The following FAM193A variants were observed in gnomAD, a reference collection of about 807,000 sequenced individuals.
The protein encoded by FAM193A is protein FAM193A.
A neutral mutation model predicts 126.5 loss-of-function variants in FAM193A; 22 were observed. The ratio of observed to expected loss-of-function variants is 0.17; its 90% CI spans 0.12 to 0.25. The LOEUF is 0.25. FAM193A is among the 10% of genes least tolerant of loss of function. The pLI, the probability that FAM193A is intolerant of heterozygous loss-of-function variation, is 1.00. For synonymous variants in FAM193A, 761 were observed against 646.8 expected, an observed-to-expected ratio of 1.18 and a Z score of -2.68; for missense variants, 1,675 against 1,672.8, an observed-to-expected ratio of 1.00 and a Z score of -0.02.
At chr4:2,581,243 TTTTC>T (rs1386239959) in intron 1 of FAM193A, among the ~76,000 whole-genome samples, 36 of 149,260 alleles carry the variant, frequency 2.4e-4, no homozygotes, top group African/African-American at 3.9e-4. Context: ...TCCTGAAATA[TTTTC>T]TTTCTTTCTT....
At chr4:2,693,310 G>A (rs1039024703) in intron 15 of FAM193A, among the ~76,000 whole-genome samples, 23 of 151,524 alleles carry the variant, frequency 1.5e-4, no homozygotes, top group African/African-American at 5.4e-4. Flanking sequence ...GAGCCACCAC[G>A]CCCGGCCAAG....
intron 13 of FAM193A, among the ~76,000 whole-genome samples, chr4:2,683,008 G>C (rs1034381744): frequency 5.9e-5 from 9 of 152,308 alleles, no homozygotes; most frequent in African/African-American, 2.2e-4. Context: ...GACATTTCTT[G>C]CAGGGCAGGT....
intron 1 of FAM193A, among the ~76,000 whole-genome samples, chr4:2,568,101 C>T (rs1024783195): frequency 2.0e-5 from 3 of 152,314 alleles, no homozygotes; most frequent in African/African-American, 7.2e-5. Context: ...TTCCACTTAC[C>T]TTCCAACCAC....
At chr4:2,554,353 G>A (rs911309605) in intron 1 of FAM193A, among the ~76,000 whole-genome samples, 12 of 152,138 alleles carry the variant, frequency 7.9e-5, no homozygotes, top group African/African-American at 2.4e-4. Context: ...AAAGTGCTGG[G>A]ATTACAGTCT....
chr4:2,543,135 T>C (rs560332204), intron 1 of FAM193A, among the ~76,000 whole-genome samples: 3 of 151,896 alleles, frequency 2.0e-5, no homozygotes, highest in African/African-American at 7.2e-5. Flanking sequence ...TCACCCAGGC[T>C]GGAGTGCCCT....
chr4:2,688,569 G>T (rs1381344282), intron 13 of FAM193A, among the ~76,000 whole-genome samples: 1 of 152,176 alleles, frequency 6.6e-6, no homozygotes, highest in African/African-American at 2.4e-5. Context: ...AAGGGTGGAG[G>T]TGGTGGGCCC....
At chr4:2,722,225 G>C (rs534780647) in intron 20 of FAM193A, among the ~76,000 whole-genome samples, 1 of 152,238 alleles carries the variant, frequency 6.6e-6, no homozygotes, top group African/African-American at 2.4e-5. Flanking sequence ...CAGACACCGT[G>C]TGCATGTCTC....
At chr4:2,614,986 C>G (rs1316850538) in intron 2 of FAM193A, 1 of 152,102 alleles carries the variant, frequency 6.6e-6, no homozygotes, top group Non-Finnish European at 1.5e-5. Flanking sequence ...CTTTTTTTCC[C>G]CTAAGACTGG....
intron 1 of FAM193A, among the ~76,000 whole-genome samples, chr4:2,580,302 GAAC>G (rs983621929): frequency 7.2e-5 from 11 of 152,124 alleles, no homozygotes; most frequent in Non-Finnish European, 1.2e-4. Flanking sequence ...ACGTAGAGGG[GAAC>G]AACATACACT....
At chr4:2,606,476 A>G (rs1282757267) in intron 2 of FAM193A, among the ~76,000 whole-genome samples, 1 of 152,140 alleles carries the variant, frequency 6.6e-6, no homozygotes. Context: ...TGGCTTTTTT[A>G]GAGAATTGTG....
chr4:2,655,875 GTTGTGATCATACCA>G (rs1344799328), intron 7 of FAM193A, among the ~76,000 whole-genome samples: 1 of 152,208 alleles, frequency 6.6e-6, no homozygotes, highest in Non-Finnish European at 1.5e-5. Flanking sequence ...GCTACAGTAA[GTTGTGATCATACCA>G]CTGTAGTCCA....
intron 1 of FAM193A, among the ~76,000 whole-genome samples, chr4:2,585,292 A>G (rs745493783): frequency 6.6e-6 from 1 of 152,228 alleles, no homozygotes; most frequent in African/African-American, 2.4e-5. Flanking sequence ...CACAGTCTTC[A>G]TGTAATGCCT....
At chr4:2,693,405 C>G (rs530774471) in intron 15 of FAM193A, among the ~76,000 whole-genome samples, 181 bp from the exon 16 acceptor site, 1 of 152,110 alleles carries the variant, frequency 6.6e-6, no homozygotes, top group African/African-American at 2.4e-5. Context: ...TGCAGACGTT[C>G]GGCTAAAAAG....
At chr4:2,565,791 G>T (rs1738905952) in intron 1 of FAM193A, among the ~76,000 whole-genome samples, 1 of 152,186 alleles carries the variant, frequency 6.6e-6, no homozygotes, top group African/African-American at 2.4e-5. Flanking sequence ...GTAATGACGG[G>T]GGAGTAACTG....
intron 7 of FAM193A, among the ~76,000 whole-genome samples, chr4:2,651,164 C>T (rs1577138954): frequency 6.6e-6 from 1 of 152,174 alleles, no homozygotes; most frequent in Admixed American, 6.5e-5. Context: ...AACCCCGTCT[C>T]TACTAAAAAT....
intron 19 of FAM193A, among the ~76,000 whole-genome samples, chr4:2,706,046 T>TATTTTTTTTA (rs1718262635): frequency 6.6e-6 from 1 of 152,000 alleles, no homozygotes; most frequent in Non-Finnish European, 1.5e-5. Context: ...TCTCTACAGA[T>TATTTTTTTTA]ATTTTTTTTA....
chr4:2,657,898 A>G lies in FAM193A; in HGVS notation c.1389+18A>G. ...AAGAACAGGTAAGCTTGTCAATAAG[A>G]GAGGCAATTAAAGGAAGTAGAAATC... On this transcript the variant is annotated intron_variant, in intron 8 of 20. Coordinates refer to ENST00000637812, the MANE Select transcript of FAM193A (RefSeq NM_001366318.2). 2 of 1,542,816 alleles carry G rather than the reference A, an allele frequency of 1.3e-6. No individual in the cohort carries two copies. The highest frequency in any genetic ancestry group is 8.9e-7 in the Non-Finnish European group (1 of 1,121,730).
intron 19 of FAM193A, among the ~76,000 whole-genome samples, chr4:2,705,497 G>A (rs1414148867): frequency 2.6e-5 from 4 of 151,610 alleles, no homozygotes; most frequent in Admixed American, 2.0e-4. Context: ...AATATGTTTG[G>A]AAATTTTTCT....
At chr4:2,677,070 T>A (rs1300686637) in intron 13 of FAM193A, among the ~76,000 whole-genome samples, 1 of 152,268 alleles carries the variant, frequency 6.6e-6, no homozygotes, top group Non-Finnish European at 1.5e-5. Flanking sequence ...CTCCTAAGAG[T>A]TTTGTTCTTT....
Sources: gnomAD v4.1 joint callset for allele counts (sites outside exome capture counted in the v4.1 genomes callset) on GRCh38, gnomAD v4.1.1 for gene constraint, MANE v1.5 for transcripts, NCBI Gene and HGNC (gene_info 2026-07-23, HGNC 2026-07-21) for gene names.